The following RPH3A variants were observed in gnomAD, a reference collection of about 807,000 sequenced individuals.
RPH3A encodes the protein rabphilin 3A, also known as rabphilin-3A.
A neutral mutation model predicts 102.2 loss-of-function variants in RPH3A; 48 were observed. The ratio of observed to expected loss-of-function variants is 0.47; its 90% CI spans 0.37 to 0.60. The LOEUF is 0.60. Among genes scored for constraint, RPH3A ranks in the 20% least tolerant of loss-of-function variants. The pLI, the probability that RPH3A is intolerant of heterozygous loss-of-function variation, is 0.00. For missense variants in RPH3A, 781 were observed against 910.1 expected, an observed-to-expected ratio of 0.86 and a Z score of 1.83; for synonymous variants, 310 against 324.3, an observed-to-expected ratio of 0.96 and a Z score of 0.47.
rs2042669182 is a variant in RPH3A, at chr12:112,869,533, G to C, written c.611-226G>C. 7.2e-6 allele frequency: 4 copies of C among 552,266 alleles called. No homozygotes were observed. The South Asian group carries it at 9.9e-5, about 14-fold the overall frequency. The allele number at this position is 552,266 out of a possible 1,614,324, so 34.2% of individuals were successfully genotyped here. On this transcript the variant is annotated intron_variant, in intron 8 of 21. Coordinates refer to ENST00000389385, the MANE Select transcript of RPH3A (RefSeq NM_001143854.2). ...GCTGAGAAGGCTGTATAGCATAATT[G>C]TTCTTTATAAAGCCTGTGTATGCTC...
At chr12:112,687,408 T>C (rs2040273432) in intron 1 of RPH3A, among the ~76,000 whole-genome samples, 1 of 152,162 alleles carries the variant, frequency 6.6e-6, no homozygotes, top group South Asian at 2.1e-4. Context: ...AAAGGGGCTG[T>C]AGTGGCCAGT....
chr12:112,581,895 G>A lies in RPH3A; in HGVS notation c.-140+6576G>A, dbSNP rs564948884. Among the ~76,000 whole-genome samples the A allele has an allele frequency of 2.0e-5, 3 of 147,700 alleles. 1 individual carries two copies. The highest frequency in any genetic ancestry group is 4.5e-5 in the Non-Finnish European group (3 of 67,066). On this transcript the variant is annotated intron_variant, in intron 1 of 21. Transcript: ENST00000543106. The stretch of plus-strand genomic sequence containing the variant: ...TTCTCTGGGCTTAGTTTCTTTTTCC[G>A]TTGAGTAAGACGTTTTGGACCAGAT...
chr12:112,624,261 G>T (rs1021964265), intron 1 of RPH3A, among the ~76,000 whole-genome samples: 2 of 150,692 alleles, frequency 1.3e-5, no homozygotes, highest in Admixed American at 1.3e-4. Context: ...AAAAATCAAT[G>T]AATCCAGGAG....
At chr12:112,576,207 A>T (rs2039358092) in intron 1 of RPH3A, among the ~76,000 whole-genome samples, 1 of 152,236 alleles carries the variant, frequency 6.6e-6, no homozygotes, top group Non-Finnish European at 1.5e-5. Context: ...GACTCCAGGC[A>T]GGCGGCTCCA....
intron 1 of RPH3A, among the ~76,000 whole-genome samples, chr12:112,763,013 A>C (rs1175945573): frequency 6.6e-6 from 1 of 152,224 alleles, no homozygotes; most frequent in African/African-American, 2.4e-5. Flanking sequence ...GGTACTGAGC[A>C]GATAAAAACA....
chr12:112,619,507 T>C (rs556957894), intron 1 of RPH3A, among the ~76,000 whole-genome samples: 3 of 152,268 alleles, frequency 2.0e-5, no homozygotes, highest in African/African-American at 4.8e-5. Flanking sequence ...GGTCTCGAAC[T>C]CCTGACCTCA....
chr12:112,839,268 C>T (rs2042104491), intron 4 of RPH3A, among the ~76,000 whole-genome samples: 1 of 152,022 alleles, frequency 6.6e-6, no homozygotes, highest in Admixed American at 6.5e-5. Flanking sequence ...TAATGCTAAA[C>T]TGTAAAATAA....
chr12:112,608,824 A>T (rs1479312520), intron 1 of RPH3A, among the ~76,000 whole-genome samples: 1 of 152,192 alleles, frequency 6.6e-6, no homozygotes, highest in Non-Finnish European at 1.5e-5. Context: ...CATCAGAAAT[A>T]TTTGATCTGG....
chr12:112,629,212 G>A (rs1298313313), intron 1 of RPH3A, among the ~76,000 whole-genome samples: 1 of 152,050 alleles, frequency 6.6e-6, no homozygotes, highest in East Asian at 1.9e-4. Flanking sequence ...AATGCTTCTC[G>A]GGAGGCCCCA....
At chr12:112,737,225 A>G (rs2136052355) in intron 1 of RPH3A, among the ~76,000 whole-genome samples, 1 of 152,048 alleles carries the variant, frequency 6.6e-6, no homozygotes, top group Non-Finnish European at 1.5e-5. Context: ...TTGTTAATAG[A>G]TATTATGCTA....
intron 1 of RPH3A, among the ~76,000 whole-genome samples, chr12:112,673,545 A>T (rs919837576): frequency 7.2e-5 from 11 of 152,040 alleles, no homozygotes; most frequent in Non-Finnish European, 1.6e-4. Context: ...AACTAAAAAA[A>T]AAAAATCCGT....
At chr12:112,668,886 G>A (rs897636881) in intron 1 of RPH3A, among the ~76,000 whole-genome samples, 3 of 151,596 alleles carry the variant, frequency 2.0e-5, no homozygotes, top group Non-Finnish European at 4.4e-5. Flanking sequence ...GCCCTGATTC[G>A]ACATCCTCAG....
At position 112,864,863 on chromosome 12, in the gene RPH3A, C is replaced by T. The variant is rs904271399; in HGVS notation, c.231-551C>T. On this transcript the variant is annotated intron_variant, in intron 5 of 21. Transcript: ENST00000389385. ...TGGGCTGGGGTGGAGCCAAAGAATTCGGTTGGGTCATTGAATGTCAGGAGA... is the reference window on the plus strand; with the variant it reads ...TGGGCTGGGGTGGAGCCAAAGAATTTGGTTGGGTCATTGAATGTCAGGAGA... Among the ~76,000 whole-genome samples, 7 of 152,154 alleles carry T rather than the reference C, an allele frequency of 4.6e-5. No homozygotes were observed. In the East Asian group the frequency reaches 5.8e-4, roughly 13 times the overall value.
chr12:112,649,855 A>C (rs61942313), intron 1 of RPH3A, among the ~76,000 whole-genome samples: 2,024 of 152,278 alleles, frequency 0.013, 26 homozygotes, highest in Non-Finnish European at 0.022. Context: ...CTGCCTTCTC[A>C]CCATGCTCTC....
chr12:112,598,703 CT>C (rs2039536016), intron 1 of RPH3A, among the ~76,000 whole-genome samples: 1 of 152,162 alleles, frequency 6.6e-6, no homozygotes, highest in Non-Finnish European at 1.5e-5. Flanking sequence ...AGCACAGCAC[CT>C]GGCATGTCGT....
intron 1 of RPH3A, among the ~76,000 whole-genome samples, chr12:112,645,792 G>A (rs1047743614): frequency 6.6e-6 from 1 of 152,158 alleles, no homozygotes; most frequent in African/African-American, 2.4e-5. Context: ...GCTGCTCTCT[G>A]AATCAATTTG....
intron 1 of RPH3A, among the ~76,000 whole-genome samples, chr12:112,752,968 CTTTTT>C (rs3037266): frequency 2.5e-5 from 3 of 118,896 alleles, no homozygotes; most frequent in Non-Finnish European, 3.4e-5. Context: ...GTCCAGTTTT[CTTTTT>C]TTTTTTTTTT....
intron 1 of RPH3A, among the ~76,000 whole-genome samples, chr12:112,754,539 A>C (rs1463864365): frequency 6.6e-6 from 1 of 152,194 alleles, no homozygotes; most frequent in Non-Finnish European, 1.5e-5. Flanking sequence ...GGAAAAGACC[A>C]CATGTGTAGG....
rs1222967599 is a variant in RPH3A at position 112,678,281 on chromosome 12, GAAAGAAAGAAAGAA to G, written c.-140+102964_-140+102977del. Among the ~76,000 whole-genome samples, 218 of 75,504 alleles carry G rather than the reference GAAAGAAAGAAAGAA, an allele frequency of 2.9e-3. 18 individuals carry two copies. Among genetic ancestry groups the G allele is most frequent in the African/African-American group, 0.014 (191 of 13,658 alleles). 49.5% of individuals were successfully genotyped at this position (75,504 alleles called of 152,430 possible). On this transcript the variant is annotated intron_variant, in intron 1 of 21. Transcript: ENST00000543106. Reference sequence around the variant, plus strand: ...AGAAAGAAAGAAAGAAAGAAAGAAAGAAAGAAAGAAAGAAAGAAAGAAAGAGAGAGAGAGAGAAA... The same window carrying G: ...AGAAAGAAAGAAAGAAAGAAAGAAAGAGAAAGAAAGAGAGAGAGAGAGAAA...
Sources: gnomAD v4.1 joint callset for allele counts (sites outside exome capture counted in the v4.1 genomes callset) on GRCh38, gnomAD v4.1.1 for gene constraint, MANE v1.5 for transcripts, NCBI Gene and HGNC (gene_info 2026-07-23, HGNC 2026-07-21) for gene names.